The following ZNF138 variants were observed in gnomAD, a reference collection of about 807,000 sequenced individuals.
ZNF138 encodes zinc finger protein 138 (clone pHZ-32).
Under a neutral mutation model 33.0 loss-of-function variants are expected in ZNF138, and 33 were observed. The ratio of observed to expected loss-of-function variants is 1.00; its 90% CI spans 0.76 to 1.34. The LOEUF (loss-of-function observed/expected upper bound fraction) is 1.34, where lower values mean the gene tolerates loss of function less well. Among genes scored for constraint, ZNF138 ranks in the 40% most tolerant of loss-of-function variants. The probability of loss-of-function intolerance (pLI) is 0.00; values close to 1 mark genes in which losing one functional copy is unlikely to be tolerated. For synonymous variants in ZNF138, 139 were observed against 120.4 expected (o/e 1.15, Z -1.01); for missense variants, 360 against 370.8 (o/e 0.97, Z 0.24).
At chr7:64,819,930 AG>A (rs1325321438) in intron 3 of ZNF138, among the ~76,000 whole-genome samples, 1 of 150,038 alleles carries the variant, frequency 6.7e-6, no homozygotes, top group African/African-American at 2.5e-5. Flanking sequence ...TTTAATAGCC[AG>A]GCATGGTCTT....
chr7:64,820,379 G>A (rs1310230110), intron 3 of ZNF138, among the ~76,000 whole-genome samples: 1 of 151,526 alleles, frequency 6.6e-6, no homozygotes, highest in Admixed American at 6.6e-5. Flanking sequence ...CTATTTTAAG[G>A]CTGAATAAAA....
intron 3 of ZNF138, 88 bp downstream of exon 3, chr7:64,815,741 G>A: frequency 8.2e-7 from 1 of 1,220,344 alleles, no homozygotes; most frequent in Non-Finnish European, 1.1e-6. Flanking sequence ...TTGGAAATCT[G>A]TATTCCAAAG....
the ZNF138 span, among the ~76,000 whole-genome samples, chr7:64,840,423 TTTAAAC>T: frequency 6.6e-6 from 1 of 152,164 alleles, no homozygotes; most frequent in African/African-American, 2.4e-5. Context: ...TTATTTATAA[TTTAAAC>T]TTATTTTTCT....
chr7:64,822,526 A>G (rs1486560927), intron 3 of ZNF138, among the ~76,000 whole-genome samples: 1 of 151,516 alleles, frequency 6.6e-6, no homozygotes, highest in Non-Finnish European at 1.5e-5. Flanking sequence ...AATTTTCAAC[A>G]TTACTTTTCC....
the ZNF138 span, among the ~76,000 whole-genome samples, chr7:64,839,811 A>G: frequency 6.6e-6 from 1 of 152,076 alleles, no homozygotes. Context: ...TTTCGGCACC[A>G]ATGAAAGGCA....
chr7:64,809,253 G>T (rs1373532789), intron 1 of ZNF138, among the ~76,000 whole-genome samples: 2 of 33,384 alleles, frequency 6.0e-5, no homozygotes, highest in African/African-American at 2.0e-4. Context: ...GCGGCTGGCC[G>T]GGTGGGGGGC....
intron 3 of ZNF138, among the ~76,000 whole-genome samples, chr7:64,818,119 G>A (rs1788822807): frequency 6.7e-6 from 1 of 148,988 alleles, no homozygotes; most frequent in Non-Finnish European, 1.5e-5. Flanking sequence ...AAGTAGCTGG[G>A]ATAACAGGCA....
chr7:64,827,905 C>A (rs1326098375), intron 3 of ZNF138, among the ~76,000 whole-genome samples: 6 of 152,106 alleles, frequency 3.9e-5, no homozygotes, highest in Admixed American at 3.9e-4. Context: ...ATATTTATCT[C>A]TGTACAATTT....
intron 1 of ZNF138, among the ~76,000 whole-genome samples, chr7:64,805,435 C>A (rs915968773): frequency 6.7e-6 from 1 of 149,000 alleles, no homozygotes; most frequent in African/African-American, 2.5e-5. Context: ...GAGGCTGAAA[C>A]AGTGCTCCTA....
chr7:64,835,006 C>T (rs961165887), downstream of ZNF138, among the ~76,000 whole-genome samples: 1 of 152,060 alleles, frequency 6.6e-6, no homozygotes, highest in South Asian at 2.1e-4. Flanking sequence ...AGGGGGAGGG[C>T]CAGGGAAGTC....
At chr7:64,853,755 AT>A in the ZNF138 span, among the ~76,000 whole-genome samples, 1 of 151,858 alleles carries the variant, frequency 6.6e-6, no homozygotes, top group African/African-American at 2.4e-5. Flanking sequence ...ATTAACCATA[AT>A]ACTTTAATGT....
chr7:64,819,301 T>G (rs1278310722), intron 3 of ZNF138, among the ~76,000 whole-genome samples: 3 of 152,174 alleles, frequency 2.0e-5, no homozygotes, highest in Admixed American at 2.0e-4. Context: ...TTACCATGAG[T>G]TTTATAATGA....
Position 64,826,850 on chromosome 7 carries a change from A to T in ZNF138, c.209-4601A>T, listed in dbSNP as rs1789657761. On this transcript the variant is annotated intron_variant, in intron 3 of 3. Transcript: ENST00000307355. The stretch of plus-strand genomic sequence containing the variant: ...TTTTTAGTATAGACAAGGTTTTGCC[A>T]TGTTGGCCAGGCTAGTCTCAAACTT... Among the ~76,000 whole-genome samples the T allele has an allele frequency of 2.6e-5, 4 of 151,790 alleles. No homozygotes were observed. In the South Asian group the frequency reaches 8.3e-4, roughly 32 times the overall value.
At chr7:64,853,068 C>G in the ZNF138 span, 12 of 1,434,714 alleles carry the variant, frequency 8.4e-6, no homozygotes, top group African/African-American at 1.4e-5. Context: ...CTGCCTGTCA[C>G]GTAAGAGTCG....
the ZNF138 span, chr7:64,853,174 G>A: frequency 6.4e-7 from 1 of 1,562,704 alleles, no homozygotes; most frequent in African/African-American, 1.4e-5. Flanking sequence ...CCAAGCCTTG[G>A]CATAAAGGCT....
the ZNF138 span, among the ~76,000 whole-genome samples, chr7:64,860,557 T>G: frequency 6.6e-6 from 1 of 152,182 alleles, no homozygotes. Context: ...TTAAATAACT[T>G]TATTAGAAAG....
chr7:64,853,468 A>G, the ZNF138 span: 3 of 597,160 alleles, frequency 5.0e-6, no homozygotes, highest in African/African-American at 3.8e-5. Flanking sequence ...ACTTTTTTCT[A>G]TATATATGAG....
intron 3 of ZNF138, among the ~76,000 whole-genome samples, chr7:64,827,941 A>G (rs1789772270): frequency 6.6e-6 from 1 of 152,200 alleles, no homozygotes; most frequent in African/African-American, 2.4e-5. Flanking sequence ...AAAGTCAAAT[A>G]TGAACCATAT....
the ZNF138 span, chr7:64,853,386 G>A: frequency 8.1e-7 from 1 of 1,239,712 alleles, no homozygotes; most frequent in Non-Finnish European, 1.1e-6. Flanking sequence ...TCACAGCTCA[G>A]CCCCTCCCTT....
Sources: allele counts gnomAD v4.1 joint callset (sites outside exome capture counted in the v4.1 genomes callset), GRCh38; gene constraint gnomAD v4.1.1; transcripts MANE v1.5; gene names NCBI Gene and HGNC (gene_info 2026-07-23, HGNC 2026-07-21).